PDK1: variants seen among roughly 807,000 people sequenced by gnomAD.
PDK1 encodes pyruvate dehydrogenase kinase 1, also known as [Pyruvate dehydrogenase (acetyl-transferring)] kinase isozyme 1, mitochondrial.
In PDK1, 39 loss-of-function variants were observed where a neutral mutation model predicts 54.2. The ratio of observed to expected loss-of-function variants is 0.72; its 90% CI spans 0.56 to 0.94. The LOEUF is 0.94. Among genes scored for constraint, PDK1 ranks in the 40% least tolerant of loss-of-function variants. PDK1 has a pLI of 0.00. For synonymous variants in PDK1, 221 were observed against 207.1 expected (o/e 1.07, Z -0.58); for missense variants, 552 against 566.0 (o/e 0.98, Z 0.25).
chr2:172,662,010 A>G, the PDK1 span, among the ~76,000 whole-genome samples: 2 of 152,370 alleles, frequency 1.3e-5, no homozygotes. Context: ...AATGCAGATT[A>G]TACATGTGTC....
chr2:172,641,101 CCCTT>C, the PDK1 span, among the ~76,000 whole-genome samples: 11 of 123,840 alleles, frequency 8.9e-5, no homozygotes, highest in Admixed American at 2.5e-4. Context: ...CTCCCTCCCT[CCCTT>C]CCTTCCTTCC....
rs1468061461 is a variant in PDK1 at position 172,575,283 on chromosome 2, GT to G, written c.945+4462del. ...CATAAGGTATGTTTATTGGTCTGTA[GT>G]TTCTTGTGATGTGTTTGGTTTTAGT... On this transcript the variant is annotated intron_variant, in intron 8 of 10. Transcript: ENST00000282077. Among the ~76,000 whole-genome samples the G allele has an allele frequency of 2.0e-5, 3 of 152,130 alleles. No homozygotes were observed. In the East Asian group the frequency reaches 5.8e-4, roughly 29 times the overall value.
At chr2:172,715,729 GA>G in the PDK1 span, among the ~76,000 whole-genome samples, 1 of 152,122 alleles carries the variant, frequency 6.6e-6, no homozygotes, top group Non-Finnish European at 1.5e-5. Context: ...GGAAAAAAAT[GA>G]AAATTGTTAC....
chr2:172,664,311 C>CA, the PDK1 span, among the ~76,000 whole-genome samples: 29 of 44,180 alleles, frequency 6.6e-4, 7 homozygotes, highest in South Asian at 7.8e-3. Context: ...AACTCTGCCT[C>CA]AAAAAAAAAA....
intron 1 of PDK1, chr2:172,558,155 G>A (rs1688453507): frequency 6.6e-6 from 1 of 152,214 alleles, no homozygotes; most frequent in Non-Finnish European, 1.5e-5. Context: ...ATTTTTTTAA[G>A]GCTGGTCAAG....
At chr2:172,610,546 T>C (rs1691429363), downstream of PDK1, among the ~76,000 whole-genome samples, 2 of 152,212 alleles carry the variant, frequency 1.3e-5, no homozygotes, top group African/African-American at 4.8e-5. Flanking sequence ...CACAATTACC[T>C]TTTGGTTTTT....
rs560797988 is a variant in PDK1 at position 172,558,579 on chromosome 2, C to A, written c.197-129C>A. 288 of 767,240 alleles carry A rather than the reference C, an allele frequency of 3.8e-4. 5 individuals carry two copies. The South Asian group carries it at 5.5e-3, about 15-fold the overall frequency. 47.5% of individuals were successfully genotyped at this position (767,240 alleles called of 1,614,324 possible). A position where few individuals can be genotyped will look rare whatever the true frequency, so the allele number is the denominator to read the frequency against. On this transcript the variant is annotated intron_variant, in intron 1 of 10. Coordinates refer to ENST00000282077, the MANE Select transcript of PDK1 (RefSeq NM_002610.5). The stretch of plus-strand genomic sequence containing the variant: ...GCAGGTGTATCTTTGCCTCCTATTC[C>A]CTGCCCCATCGTGGTGATTCTATCC...
the PDK1 span, chr2:172,724,007 T>C: frequency 2.8e-4 from 42 of 152,336 alleles, no homozygotes; most frequent in East Asian, 8.1e-3. Flanking sequence ...AAGAATTTCC[T>C]GTAATATTAT....
the PDK1 span, among the ~76,000 whole-genome samples, chr2:172,708,607 G>C: frequency 1.1e-4 from 17 of 152,306 alleles, no homozygotes; most frequent in East Asian, 3.1e-3. Context: ...CAAAATAATT[G>C]ATACAGGTTG....
chr2:172,557,819 A>G (rs969745295), intron 1 of PDK1, among the ~76,000 whole-genome samples: 1 of 151,894 alleles, frequency 6.6e-6, no homozygotes, highest in Non-Finnish European at 1.5e-5. Flanking sequence ...GTGGTTCTAT[A>G]TGGAATCAGT....
chr2:172,689,816 G>A, the PDK1 span, among the ~76,000 whole-genome samples: 2 of 141,752 alleles, frequency 1.4e-5, no homozygotes, highest in African/African-American at 4.9e-5. Context: ...GCTGAAACTG[G>A]ATCCCTTCCT....
chr2:172,583,771 T>A (rs910215220), intron 8 of PDK1, among the ~76,000 whole-genome samples: 1 of 152,136 alleles, frequency 6.6e-6, no homozygotes, highest in South Asian at 2.1e-4. Context: ...TAACAATTTT[T>A]AAATATATAA....
At chr2:172,715,648 G>A in the PDK1 span, among the ~76,000 whole-genome samples, 1 of 152,214 alleles carries the variant, frequency 6.6e-6, no homozygotes, top group Admixed American at 6.5e-5. Context: ...ACAGCCGGTG[G>A]GACACAGGCA....
chr2:172,604,849 T>G lies in PDK1; in HGVS notation c.*8880T>G, dbSNP rs1436963850. 1 of 152,268 alleles carries G rather than the reference T, an allele frequency of 6.6e-6. No homozygotes were observed. Among genetic ancestry groups the G allele is most frequent in the African/African-American group, 2.4e-5 (1 of 41,464 alleles). The allele number at this position is 152,268 out of a possible 1,614,324, so 9.4% of individuals were successfully genotyped here. On this transcript the variant is annotated 3_prime_UTR_variant, in exon 11 of 11. Transcript: ENST00000282077. ...TACTTTTCTAGTTTCGAGATTATTT[T>G]GGAGCTTTATATTGGGTATGTTCTT...
chr2:172,563,271 C>G (rs1295037429), intron 3 of PDK1, among the ~76,000 whole-genome samples: 2 of 152,034 alleles, frequency 1.3e-5, no homozygotes, highest in South Asian at 2.1e-4. Context: ...ATTTGTGTTT[C>G]TTTGAAGCAG....
In PDK1 at chr2:172,597,917, G is replaced by A. The variant is rs2149307526; in HGVS notation, c.*1948G>A. The A allele has an allele frequency of 6.6e-6, 1 of 151,666 alleles. No individual in the cohort carries two copies. Among genetic ancestry groups the A allele is most frequent in the East Asian group, 1.9e-4 (1 of 5,152 alleles). 9.4% of individuals were successfully genotyped at this position (151,666 alleles called of 1,614,324 possible). ...GTTGTGATAAATGTGTAGATTAGAGGGATGTGAATGGGCAGTTAGTCCAGT... is the reference window on the plus strand; with the variant it reads ...GTTGTGATAAATGTGTAGATTAGAGAGATGTGAATGGGCAGTTAGTCCAGT... On this transcript the variant is annotated 3_prime_UTR_variant, in exon 11 of 11. Coordinates refer to ENST00000282077, the MANE Select transcript of PDK1 (RefSeq NM_002610.5).
the PDK1 span, among the ~76,000 whole-genome samples, chr2:172,686,429 G>T: frequency 6.6e-6 from 1 of 152,014 alleles, no homozygotes; most frequent in Admixed American, 6.6e-5. Context: ...ACCAATTAGC[G>T]CTCTGTAGCT....
chr2:172,633,289 C>T, the PDK1 span, among the ~76,000 whole-genome samples: 1 of 151,580 alleles, frequency 6.6e-6, no homozygotes, highest in East Asian at 1.9e-4. Context: ...CTCAAGTGAT[C>T]CTCCTGCCGT....
the PDK1 span, among the ~76,000 whole-genome samples, chr2:172,715,867 T>C: frequency 6.6e-6 from 1 of 152,204 alleles, no homozygotes; most frequent in Non-Finnish European, 1.5e-5. Context: ...AGAGTTCAAA[T>C]AAGCATTCTT....
Sources: gnomAD v4.1 joint callset for allele counts (sites outside exome capture counted in the v4.1 genomes callset) on GRCh38, gnomAD v4.1.1 for gene constraint, MANE v1.5 for transcripts, NCBI Gene and HGNC (gene_info 2026-07-23, HGNC 2026-07-21) for gene names.